PCDHGB5: variants seen among roughly 807,000 people sequenced by gnomAD.
PCDHGB5 encodes the protein protocadherin gamma-B5.
In PCDHGB5, 48 loss-of-function variants were observed where a neutral mutation model predicts 62.9. The ratio of observed to expected loss-of-function variants is 0.76; its 90% CI spans 0.61 to 0.97. PCDHGB5 has a LOEUF of 0.97. PCDHGB5 is among the 50% of genes least tolerant of loss of function. The pLI is 0.00. For synonymous variants in PCDHGB5, 474 were observed against 511.2 expected (o/e 0.93, Z 0.98); for missense variants, 1,118 against 1,198.6 (o/e 0.93, Z 0.99).
rs747585516 is a variant in PCDHGB5, at chr5:141,409,120, A to G, written c.2397+8596A>G. ...CAGGTATGATTAAGAATAACCAGTC[A>G]TTTGATTTTGAAGATGTAGAAAGGT... On this transcript the variant is annotated intron_variant, in intron 1 of 3. Transcript: ENST00000617380. 6 of 1,613,844 alleles carry G rather than the reference A, an allele frequency of 3.7e-6. No homozygotes were observed. The African/African-American group carries it at 8.0e-5, about 22-fold the overall frequency.
chr5:141,399,475 C>G lies in PCDHGB5; in HGVS notation c.1348C>G (p.Gln450Glu). ...DVNDNAPVFHQASYLVSVPEN... is the reference protein window; with the variant it reads ...DVNDNAPVFHEASYLVSVPEN... Reference sequence around the variant, plus strand: ...CAACGATAACGCTCCGGTTTTCCACCAGGCGTCCTACTTAGTCAGTGTACC... The same window carrying G: ...CAACGATAACGCTCCGGTTTTCCACGAGGCGTCCTACTTAGTCAGTGTACC... The change falls in exon 1 of 4, where the codon CAG becomes GAG. Residue 450 changes from glutamine (Q) to glutamate (E), a missense_variant. Gln to Glu is a conservative substitution (Grantham distance 29). Coordinates refer to ENST00000617380, the MANE Select transcript of PCDHGB5 (RefSeq NM_018925.3). 2 of 1,614,022 alleles carry G rather than the reference C, an allele frequency of 1.2e-6. No individual in the cohort carries two copies. The highest frequency in any genetic ancestry group is 1.7e-6 in the Non-Finnish European group (2 of 1,179,896).
intron 1 of PCDHGB5, among the ~76,000 whole-genome samples, chr5:141,457,440 A>C (rs188608086): frequency 1.3e-5 from 2 of 152,334 alleles, no homozygotes; most frequent in African/African-American, 4.8e-5. Flanking sequence ...ACCAAGCTGC[A>C]GAAGATCACC....
intron 2 of PCDHGB5, among the ~76,000 whole-genome samples, chr5:141,496,347 T>C (rs1168306693): frequency 6.6e-6 from 1 of 152,198 alleles, no homozygotes; most frequent in Non-Finnish European, 1.5e-5. Context: ...TGGAGGAGTC[T>C]CAGAGCCCAG....
In PCDHGB5 at chr5:141,402,356, T is replaced by C. The variant is rs183915738; in HGVS notation, c.2397+1832T>C. Among the ~76,000 whole-genome samples, 46 of 152,098 alleles carry C rather than the reference T, an allele frequency of 3.0e-4. 1 individual carries two copies. Among genetic ancestry groups the C allele is most frequent in the African/African-American group, 1.0e-3 (43 of 41,550 alleles). On this transcript the variant is annotated intron_variant, in intron 1 of 3. Coordinates refer to ENST00000617380, the MANE Select transcript of PCDHGB5 (RefSeq NM_018925.3). ...TATAGGTATAAAAATTAAAAATGAA[T>C]GTACTTCCAAACAAGATTGCACATA...
Position 141,476,437 on chromosome 5 carries a change from TCTGGAGTTGGTAGTGGAGAACCC to T in PCDHGB5, c.2398-18369_2398-18347del. ...GGACACTGCCCTCTTGCACTGTAAC[TCTGGAGTTGGTAGTGGAGAACCC>T]GCTGGAGCTGTTCAGCGTGGAAGTG... On this transcript the variant is annotated intron_variant, in intron 1 of 3. Transcript: ENST00000617380. The surrounding 1 kb of genome is among the most constrained non-coding windows in gnomAD (Gnocchi z 7.6). 1 of 1,614,004 alleles carries T rather than the reference TCTGGAGTTGGTAGTGGAGAACCC, an allele frequency of 6.2e-7. No individual in the cohort carries two copies. The highest frequency in any genetic ancestry group is 2.2e-5 in the East Asian group (1 of 44,836).
At chr5:141,438,418 G>C (rs2097959406) in intron 1 of PCDHGB5, among the ~76,000 whole-genome samples, 1 of 151,534 alleles carries the variant, frequency 6.6e-6, no homozygotes, top group Admixed American at 6.6e-5. Flanking sequence ...ATTTCACACA[G>C]TAGTTTGTAC....
rs1053018756 is a variant in PCDHGB5, at chr5:141,497,630, G to T, written c.2456+2765G>T. ...TCTTGGCTCACTGCAACCTCTGCCT[G>T]CCAGGTTCAAGCGATTCTCCTGCCT... is the stretch of plus-strand genomic sequence containing the variant. On this transcript the variant is annotated intron_variant, in intron 2 of 3. Coordinates refer to ENST00000617380, the MANE Select transcript of PCDHGB5 (RefSeq NM_018925.3). 3.3e-5 allele frequency among the ~76,000 whole-genome samples: 5 copies of T among 150,256 alleles called. No homozygotes were observed. The Admixed American group carries it at 3.3e-4, about 10-fold the overall frequency.
intron 1 of PCDHGB5, among the ~76,000 whole-genome samples, chr5:141,445,490 C>T (rs1181158971): frequency 6.6e-6 from 1 of 152,134 alleles, no homozygotes; most frequent in Non-Finnish European, 1.5e-5. Flanking sequence ...AGTTAATGGG[C>T]CCTATTCTAA....
chr5:141,413,033 T>G, intron 1 of PCDHGB5: 1 of 776,760 alleles, frequency 1.3e-6, no homozygotes, highest in Non-Finnish European at 2.0e-6. Context: ...ACAAACCGGC[T>G]GCTGGGCTGC....
intron 1 of PCDHGB5, chr5:141,429,167 TATAC>T (rs1240034860): frequency 7.3e-6 from 1 of 136,106 alleles, no homozygotes; most frequent in African/African-American, 2.9e-5. Flanking sequence ...AGACATTGTT[TATAC>T]ACACACACAC....
intron 1 of PCDHGB5, chr5:141,404,476 C>T (rs1453332441): frequency 6.2e-7 from 1 of 1,613,362 alleles, no homozygotes; most frequent in South Asian, 1.1e-5. Context: ...TCTCTATTAA[C>T]TCAGACACTG....
In PCDHGB5 at chr5:141,400,511, C is replaced by T. The variant is rs1456963604; in HGVS notation, c.2384C>T (p.Ser795Phe). 1.2e-6 allele frequency: 2 copies of T among 1,613,824 alleles called. No homozygotes were observed. The highest frequency in any genetic ancestry group is 3.3e-5 in the Admixed American group (2 of 60,012). Residue 795 changes from serine to phenylalanine, a missense_variant, in exon 1 of 4, where the codon TCC becomes TTC. Transcript: ENST00000617380. ...CTTTGTAATTCCAGCGAGTCGACTTCCCATCCTGAGTTGGTGAGTTTCATT... is the reference window on the plus strand; with the variant it reads ...CTTTGTAATTCCAGCGAGTCGACTTTCCATCCTGAGTTGGTGAGTTTCATT... The part of the protein sequence containing the change: ...FPLCNSSEST[S>F]HPELQAPPNT...
At chr5:141,456,342 G>A (rs1439003615) in intron 1 of PCDHGB5, among the ~76,000 whole-genome samples, 1 of 152,114 alleles carries the variant, frequency 6.6e-6, no homozygotes, top group African/African-American at 2.4e-5. Context: ...AAGGGTCCTC[G>A]GAAGAATGGC....
At chr5:141,466,689 A>G (rs2099127361) in intron 1 of PCDHGB5, among the ~76,000 whole-genome samples, 1 of 152,220 alleles carries the variant, frequency 6.6e-6, no homozygotes, top group Admixed American at 6.5e-5. Context: ...CTCAAGCTTC[A>G]TCATAAATTT....
intron 1 of PCDHGB5, chr5:141,408,178 G>A (rs1425207794): frequency 1.3e-6 from 2 of 1,535,708 alleles, no homozygotes; most frequent in Non-Finnish European, 1.8e-6. Context: ...GAAAAGCGGG[G>A]ACCCAGCGAG....
Position 141,431,634 on chromosome 5 carries a change from T to C in PCDHGB5, c.2397+31110T>C. 2.5e-6 allele frequency: 4 copies of C among 1,614,238 alleles called. No homozygotes were observed. Among genetic ancestry groups the C allele is most frequent in the Non-Finnish European group, 3.4e-6 (4 of 1,180,044 alleles). ...GTGGACGACAAGGCGGCCCAAGTTTTCAAACTAGATTGTAATTCAGGGACA... is the reference window on the plus strand; with the variant it reads ...GTGGACGACAAGGCGGCCCAAGTTTCCAAACTAGATTGTAATTCAGGGACA... On this transcript the variant is annotated intron_variant, in intron 1 of 3. Coordinates refer to ENST00000617380, the MANE Select transcript of PCDHGB5 (RefSeq NM_018925.3). The surrounding 1 kb of genome is among the most constrained non-coding windows in gnomAD (Gnocchi z 4.8).
chr5:141,476,661 T>G lies in PCDHGB5; in HGVS notation c.2398-18146T>G. 1.2e-6 allele frequency: 2 copies of G among 1,614,076 alleles called. No individual in the cohort carries two copies. The highest frequency in any genetic ancestry group is 1.7e-6 in the Non-Finnish European group (2 of 1,179,938). On this transcript the variant is annotated intron_variant, in intron 1 of 3. Coordinates refer to ENST00000617380, the MANE Select transcript of PCDHGB5 (RefSeq NM_018925.3). The surrounding 1 kb of genome is among the most constrained non-coding windows in gnomAD (Gnocchi z 7.6). Reference sequence around the variant, plus strand: ...CTGAGCCGAAATGAATACTTTGCGCTTCGCGTGCAGACGCGGGAGGACAGC... The same window carrying G: ...CTGAGCCGAAATGAATACTTTGCGCGTCGCGTGCAGACGCGGGAGGACAGC...
In PCDHGB5 at chr5:141,476,875, C is replaced by T; in HGVS notation, c.2398-17932C>T. On this transcript the variant is annotated intron_variant, in intron 1 of 3. Coordinates refer to ENST00000617380, the MANE Select transcript of PCDHGB5 (RefSeq NM_018925.3). The surrounding 1 kb of genome is among the most constrained non-coding windows in gnomAD (Gnocchi z 7.6). ...ACCAGTCCTTGTACCGGGCGCGCGT[C>T]CTGGAGGATGCACCCTCCGGCACGC... 2 of 1,613,928 alleles carry T rather than the reference C, an allele frequency of 1.2e-6. No homozygotes were observed. Among genetic ancestry groups the T allele is most frequent in the Non-Finnish European group, 1.7e-6 (2 of 1,180,044 alleles).
intron 1 of PCDHGB5, among the ~76,000 whole-genome samples, chr5:141,444,312 C>G (rs2098431691): frequency 6.6e-6 from 1 of 151,856 alleles, no homozygotes; most frequent in Non-Finnish European, 1.5e-5. Flanking sequence ...GCTAGGATTA[C>G]AGGCATGTGC....
Sources: gnomAD v4.1 joint callset for allele counts (sites outside exome capture counted in the v4.1 genomes callset) on GRCh38, gnomAD v4.1.1 for gene constraint, Gnocchi (gnomAD v3.1) non-coding constraint, MANE v1.5 for transcripts, NCBI Gene and HGNC (gene_info 2026-07-23, HGNC 2026-07-21) for gene names.